Variants in PRIM2 observed in about 807,000 individuals in gnomAD.
PRIM2 encodes the protein DNA primase large subunit.
PRIM2 carries 39 observed loss-of-function variants against 67.3 expected under a neutral mutation model. The ratio of observed to expected loss-of-function variants is 0.58; its 90% CI spans 0.45 to 0.76. The LOEUF (loss-of-function observed/expected upper bound fraction) is 0.76, where lower values mean the gene tolerates loss of function less well. Among genes scored for constraint, PRIM2 ranks in the 30% least tolerant of loss-of-function variants. The probability of loss-of-function intolerance (pLI) is 0.00; values close to 1 mark genes in which losing one functional copy is unlikely to be tolerated. For synonymous variants in PRIM2, 143 were observed against 198.7 expected, an observed-to-expected ratio of 0.72 and a Z score of 2.36; for missense variants, 398 against 598.7, an observed-to-expected ratio of 0.66 and a Z score of 3.50.
At chr6:57,361,899 G>A (rs915709495) in intron 5 of PRIM2, among the ~76,000 whole-genome samples, 5 of 151,952 alleles carry the variant, frequency 3.3e-5, no homozygotes, top group Admixed American at 3.3e-4. Context: ...GGGTTATAGG[G>A]GGAAAAAAAA....
At chr6:57,346,359 C>T (rs1017541067) in intron 5 of PRIM2, among the ~76,000 whole-genome samples, 4 of 152,070 alleles carry the variant, frequency 2.6e-5, no homozygotes, top group African/African-American at 9.7e-5. Flanking sequence ...CTCTGTCGCC[C>T]AGGCTGGAGT....
chr6:57,478,359 T>G (rs1258467200), intron 7 of PRIM2, among the ~76,000 whole-genome samples: 76,207 of 144,808 alleles, frequency 0.53, 21,699 homozygotes, highest in African/African-American at 0.75. Context: ...TTGAGAGAGA[T>G]TCTTGTTCTC....
At chr6:57,244,567 T>C in the PRIM2 span, among the ~76,000 whole-genome samples, 143,961 of 152,100 alleles carry the variant, frequency 0.95, 68,141 homozygotes, top group South Asian at 0.98. Flanking sequence ...TCGAGACCAG[T>C]CTGAACAACA....
intron 7 of PRIM2, among the ~76,000 whole-genome samples, chr6:57,454,715 T>C (rs1197130108): frequency 1.3e-5 from 2 of 152,220 alleles, no homozygotes; most frequent in South Asian, 4.1e-4. Context: ...ATCAATTTTG[T>C]TGATCTTTTC....
chr6:57,256,631 TACACACAC>T, the PRIM2 span, among the ~76,000 whole-genome samples: 39 of 141,004 alleles, frequency 2.8e-4, no homozygotes, highest in African/African-American at 3.2e-4. Flanking sequence ...CTCTTTCTCT[TACACACAC>T]ACACACACAC....
At chr6:57,377,809 G>T (rs34862392) in intron 5 of PRIM2, among the ~76,000 whole-genome samples, 1 of 151,488 alleles carries the variant, frequency 6.6e-6, no homozygotes, top group Admixed American at 6.6e-5. Context: ...TCATCTAAAT[G>T]TGTGTTTGGA....
intron 8 of PRIM2, among the ~76,000 whole-genome samples, chr6:57,528,294 C>G (rs1431086793): frequency 6.7e-6 from 1 of 150,370 alleles, no homozygotes; most frequent in Non-Finnish European, 1.5e-5. Context: ...AGTTTGATGT[C>G]TACACAGTTT....
intron 5 of PRIM2, among the ~76,000 whole-genome samples, chr6:57,338,652 C>G (rs1768358154): frequency 6.7e-6 from 1 of 149,128 alleles, no homozygotes; most frequent in Admixed American, 6.7e-5. Context: ...CAAAATTCAA[C>G]AACGCTTCAT....
intron 10 of PRIM2, among the ~76,000 whole-genome samples, chr6:57,562,633 G>A (rs1775659714): frequency 6.6e-6 from 1 of 152,256 alleles, no homozygotes; most frequent in South Asian, 2.1e-4. Flanking sequence ...TACTTAGGAG[G>A]TATCTCAGAC....
chr6:57,544,506 T>A (rs1775245846), intron 10 of PRIM2, among the ~76,000 whole-genome samples: 1 of 152,144 alleles, frequency 6.6e-6, no homozygotes, highest in Non-Finnish European at 1.5e-5. Context: ...ATTAAGTGAG[T>A]CCTATATATG....
chr6:57,627,050 G>C (rs1304287216), intron 12 of PRIM2, among the ~76,000 whole-genome samples: 1 of 151,472 alleles, frequency 6.6e-6, no homozygotes. Flanking sequence ...GGAGACCGAG[G>C]CTGGTGGGTT....
At chr6:57,520,316 C>T (rs1351313866) in intron 8 of PRIM2, among the ~76,000 whole-genome samples, 2 of 152,130 alleles carry the variant, frequency 1.3e-5, no homozygotes, top group African/African-American at 4.8e-5. Flanking sequence ...TGTTGTCCAT[C>T]ATTTTAACGT....
the PRIM2 span, among the ~76,000 whole-genome samples, chr6:57,240,845 T>C: frequency 6.6e-6 from 1 of 151,984 alleles, no homozygotes; most frequent in Non-Finnish European, 1.5e-5. Flanking sequence ...TCTCAACACT[T>C]TGGGAGGTTG....
At chr6:57,452,980 A>G (rs1191205026) in intron 7 of PRIM2, among the ~76,000 whole-genome samples, 2 of 152,180 alleles carry the variant, frequency 1.3e-5, no homozygotes, top group African/African-American at 4.8e-5. Context: ...TAAGGAAGGG[A>G]TCCAGTTTCA....
chr6:57,513,169 A>C (rs1554347880), intron 8 of PRIM2, among the ~76,000 whole-genome samples: 59,785 of 148,252 alleles, frequency 0.4, 12,734 homozygotes, highest in African/African-American at 0.56. Flanking sequence ...TACTGTCATT[A>C]TCATGGTTAT....
the PRIM2 span, among the ~76,000 whole-genome samples, chr6:57,290,042 G>A: frequency 6.6e-6 from 1 of 151,282 alleles, no homozygotes; most frequent in Non-Finnish European, 1.5e-5. Flanking sequence ...TCGGTGTGCT[G>A]TATTCAGGAG....
the PRIM2 span, among the ~76,000 whole-genome samples, chr6:57,269,748 G>T: frequency 6.6e-6 from 1 of 152,126 alleles, no homozygotes; most frequent in Non-Finnish European, 1.5e-5. Flanking sequence ...TTCTTCTAGG[G>T]TTTTTACGGT....
At chr6:57,439,211 A>G (rs1224927850) in intron 7 of PRIM2, among the ~76,000 whole-genome samples, 1 of 152,042 alleles carries the variant, frequency 6.6e-6, no homozygotes, top group Non-Finnish European at 1.5e-5. Flanking sequence ...TTGTCTTTTT[A>G]GTGGAATTGG....
chr6:57,346,965 C>T (rs1486439264), intron 5 of PRIM2, among the ~76,000 whole-genome samples: 4 of 152,124 alleles, frequency 2.6e-5, no homozygotes, highest in Admixed American at 1.3e-4. Context: ...AGGACAACAG[C>T]ACAGTTAATA....
Sources: gnomAD v4.1 joint callset for allele counts (sites outside exome capture counted in the v4.1 genomes callset) on GRCh38, gnomAD v4.1.1 for gene constraint, MANE v1.5 for transcripts, NCBI Gene and HGNC (gene_info 2026-07-23, HGNC 2026-07-21) for gene names.